PAPPA2: variants seen among roughly 807,000 people sequenced by gnomAD.
The protein encoded by PAPPA2 is pappalysin-2.
In PAPPA2, 86 loss-of-function variants were observed where a neutral mutation model predicts 176.4. The observed-to-expected ratio is 0.49, with a 90% CI of 0.41 to 0.58. The LOEUF (loss-of-function observed/expected upper bound fraction) is 0.58, where lower values mean the gene tolerates loss of function less well. Ranked by LOEUF, PAPPA2 falls within the 20% of genes least tolerant of loss-of-function variation. The pLI, the probability that PAPPA2 is intolerant of heterozygous loss-of-function variation, is 0.00. For missense variants in PAPPA2, 2,073 were observed against 2,256.9 expected, an observed-to-expected ratio of 0.92 and a Z score of 1.65; for synonymous variants, 809 against 852.2, an observed-to-expected ratio of 0.95 and a Z score of 0.88.
chr1:176,713,308 A>G (rs1393689172), intron 12 of PAPPA2, among the ~76,000 whole-genome samples: 1 of 152,020 alleles, frequency 6.6e-6, no homozygotes, highest in Admixed American at 6.6e-5. Flanking sequence ...GTTGCTTGCC[A>G]CTACACCCAG....
At chr1:176,688,227 T>G (rs953514787) in intron 4 of PAPPA2, among the ~76,000 whole-genome samples, 1 of 151,956 alleles carries the variant, frequency 6.6e-6, no homozygotes, top group African/African-American at 2.4e-5. Context: ...AGAAGTGTGG[T>G]GGAGGAAAAA....
At chr1:176,826,256 C>G (rs538886361) in intron 21 of PAPPA2, among the ~76,000 whole-genome samples, 1 of 152,242 alleles carries the variant, frequency 6.6e-6, no homozygotes, top group East Asian at 1.9e-4. Flanking sequence ...GTGCTGACAA[C>G]CTGTTAGGAA....
intron 14 of PAPPA2, among the ~76,000 whole-genome samples, chr1:176,756,866 G>A (rs542109443): frequency 1.7e-4 from 26 of 151,974 alleles, no homozygotes; most frequent in Admixed American, 9.8e-4. Flanking sequence ...CCCCAGCCCC[G>A]CCGCCAAAAG....
chr1:176,712,150 G>A (rs1022911763), intron 12 of PAPPA2, among the ~76,000 whole-genome samples, 169 bp downstream of exon 12: 1 of 151,988 alleles, frequency 6.6e-6, no homozygotes, highest in Non-Finnish European at 1.5e-5. Flanking sequence ...TCTGTATTGT[G>A]GACTTCTTTC....
intron 2 of PAPPA2, among the ~76,000 whole-genome samples, chr1:176,576,919 T>A (rs1652682124): frequency 6.6e-6 from 1 of 152,130 alleles, no homozygotes; most frequent in Non-Finnish European, 1.5e-5. Context: ...AGAATCTGCA[T>A]TTATTCAGTT....
chr1:176,623,758 C>CTTTCTTTCTTTCTTTCTTTCTTT (rs1553376002), intron 3 of PAPPA2, among the ~76,000 whole-genome samples: 1 of 59,064 alleles, frequency 1.7e-5, no homozygotes, highest in Admixed American at 2.1e-4. Flanking sequence ...TTCCTTCCTT[C>CTTTCTTTCTTTCTTTCTTTCTTT]CTTTCTTTCT....
chr1:176,560,795 A>G (rs955876117), intron 2 of PAPPA2, among the ~76,000 whole-genome samples: 1 of 152,198 alleles, frequency 6.6e-6, no homozygotes, highest in African/African-American at 2.4e-5. Context: ...AGATTTTAAT[A>G]GGTTCCTCCT....
At chr1:176,703,520 G>A (rs1288435465) in intron 9 of PAPPA2, among the ~76,000 whole-genome samples, 2 of 152,190 alleles carry the variant, frequency 1.3e-5, no homozygotes, top group African/African-American at 2.4e-5. Flanking sequence ...GAGGCTGGAA[G>A]CCAGACACTG....
intron 3 of PAPPA2, among the ~76,000 whole-genome samples, chr1:176,641,539 A>G (rs1029198420): frequency 2.6e-5 from 4 of 151,582 alleles, no homozygotes; most frequent in African/African-American, 9.7e-5. Flanking sequence ...GTTCTGTTCC[A>G]TTGATCTATA....
chr1:176,474,323 T>C (rs1254130042), intron 1 of PAPPA2, among the ~76,000 whole-genome samples: 1 of 152,212 alleles, frequency 6.6e-6, no homozygotes, highest in African/African-American at 2.4e-5. Flanking sequence ...CATAGTCTTC[T>C]TGATCAGAGA....
intron 7 of PAPPA2, 107 bp downstream of exon 7, chr1:176,695,966 ATGTGTG>A (rs67178111): frequency 0.012 from 10,035 of 863,196 alleles, 12 homozygotes; most frequent in Non-Finnish European, 0.013. Context: ...ATGTATGTGT[ATGTGTG>A]TGTGTGTGTG....
chr1:176,634,996 T>TAGATAGAC (rs1553378309), intron 3 of PAPPA2, among the ~76,000 whole-genome samples: 10 of 150,178 alleles, frequency 6.7e-5, no homozygotes, highest in Admixed American at 3.3e-4. Flanking sequence ...GATAGATAGA[T>TAGATAGAC]AGATAGATAG....
intron 3 of PAPPA2, among the ~76,000 whole-genome samples, chr1:176,669,301 T>C (rs759922809): frequency 1.8e-4 from 27 of 152,126 alleles, no homozygotes; most frequent in Non-Finnish European, 3.2e-4. Flanking sequence ...TCTTTCTTTT[T>C]CTTTTCATTT....
rs182266549 is a variant in PAPPA2 at position 176,797,552 on chromosome 1, C to G, written c.5131-2509C>G. On this transcript the variant is annotated intron_variant, in intron 20 of 22. Coordinates refer to ENST00000367662, the MANE Select transcript of PAPPA2 (RefSeq NM_020318.3). ...GTTTCAGCTAGTCAGGAGGCTGACG[C>G]AGGAGAATCACTTGAGCCCGAGAGA... Among the ~76,000 whole-genome samples, 462 of 152,126 alleles carry G rather than the reference C, an allele frequency of 3.0e-3. 1 individual carries two copies. The highest frequency in any genetic ancestry group is 4.7e-3 in the Non-Finnish European group (321 of 68,006).
intron 4 of PAPPA2, among the ~76,000 whole-genome samples, chr1:176,689,162 A>T (rs1378186691): frequency 1.3e-5 from 2 of 152,148 alleles, no homozygotes; most frequent in African/African-American, 4.8e-5. Context: ...CCTGGCCCTG[A>T]CAATTTTGGG....
intron 9 of PAPPA2, among the ~76,000 whole-genome samples, chr1:176,703,724 G>T (rs1042930246): frequency 2.0e-5 from 3 of 152,148 alleles, no homozygotes; most frequent in African/African-American, 2.4e-5. Flanking sequence ...ACTATAGTAA[G>T]TCTATTCCTT....
chr1:176,544,244 T>C (rs1378276304), intron 1 of PAPPA2, among the ~76,000 whole-genome samples: 1 of 152,324 alleles, frequency 6.6e-6, no homozygotes, highest in East Asian at 1.9e-4. Flanking sequence ...CTTGGACAAG[T>C]GTCTTAAGTA....
chr1:176,503,574 A>G (rs1050376666), intron 1 of PAPPA2, among the ~76,000 whole-genome samples: 6 of 152,178 alleles, frequency 3.9e-5, no homozygotes, highest in African/African-American at 1.4e-4. Flanking sequence ...AAACATAGCC[A>G]TAGAGGTAGG....
At chr1:176,674,623 G>A (rs1005930424) in intron 4 of PAPPA2, among the ~76,000 whole-genome samples, 3 of 151,602 alleles carry the variant, frequency 2.0e-5, no homozygotes, top group Non-Finnish European at 4.4e-5. Flanking sequence ...AGTATTCTAT[G>A]GTATACACAT....
Sources: allele counts gnomAD v4.1 joint callset (sites outside exome capture counted in the v4.1 genomes callset), GRCh38; gene constraint gnomAD v4.1.1; transcripts MANE v1.5; gene names NCBI Gene and HGNC (gene_info 2026-07-23, HGNC 2026-07-21).